DPAGT1: variants seen among roughly 807,000 people sequenced by gnomAD.
DPAGT1 encodes the protein UDP-N-acetylglucosamine--dolichyl-phosphate N-acetylglucosaminephosphotransferase.
DPAGT1 carries 25 observed loss-of-function variants against 39.3 expected under a neutral mutation model. The observed-to-expected ratio is 0.64, with a 90% CI of 0.46 to 0.89. DPAGT1 has a LOEUF of 0.89. Among genes scored for constraint, DPAGT1 ranks in the 40% least tolerant of loss-of-function variants. The pLI is 0.00. For synonymous variants in DPAGT1, 193 were observed against 201.4 expected (o/e 0.96, Z 0.36); for missense variants, 381 against 500.6 (o/e 0.76, Z 2.28).
rs751012599 is a variant in DPAGT1, at chr11:119,097,922, A to G, written c.850T>C (p.Phe284Leu). Residue 284 changes from phenylalanine to leucine, a missense_variant, in exon 6 of 9, where the codon TTC becomes CTC. Coordinates refer to ENST00000354202, the MANE Select transcript of DPAGT1 (RefSeq NM_001382.4). The surrounding 1 kb of genome is among the most constrained non-coding windows in gnomAD (Gnocchi z 4.6). ...TMLLFFMPQV[F>L]NFLYSLPQLL... The stretch of plus-strand genomic sequence containing the variant: ...TGAGGCAGTGAGTAGAGGAAGTTGA[A>G]CACCTGGGGCATGAAGAATAGTAGC... 1 of 1,614,178 alleles carries G rather than the reference A, an allele frequency of 6.2e-7. No homozygotes were observed. The highest frequency in any genetic ancestry group is 1.1e-5 in the South Asian group (1 of 91,084).
downstream of DPAGT1, chr11:119,094,943 C>A (rs1241786719): frequency 6.3e-7 from 1 of 1,582,856 alleles, no homozygotes; most frequent in East Asian, 2.2e-5. Context: ...GCCTGGCGGC[C>A]GGCCGCGGCG....
At chr11:119,094,761 TGCGGGACGGGA>T (rs1406955097), downstream of DPAGT1, 1 of 565,690 alleles carries the variant, frequency 1.8e-6, no homozygotes, top group Non-Finnish European at 3.0e-6. Context: ...CGGCAGGCGG[TGCGGGACGGGA>T]GCGGGGGCGG....
downstream of DPAGT1, chr11:119,094,275 T>TG (rs1565760272): frequency 6.6e-6 from 1 of 152,260 alleles, no homozygotes; most frequent in Non-Finnish European, 1.5e-5. Flanking sequence ...TGAATGAAGA[T>TG]GGAGGGAGAG....
At chr11:119,100,165 T>A (rs10892330) in intron 4 of DPAGT1, 97 bp downstream of exon 4, 101 of 1,552,538 alleles carry the variant, frequency 6.5e-5, no homozygotes, top group Admixed American at 1.8e-4. Flanking sequence ...ATAATTACTA[T>A]GCATATTGCT....
At position 119,098,013 on chromosome 11, in the gene DPAGT1, G is replaced by A. The variant is rs748097351; in HGVS notation, c.759C>T (p.Thr253=). The change falls in exon 6 of 9, where the codon ACC becomes ACT. Residue 253 remains threonine (T), a synonymous_variant. Coordinates refer to ENST00000354202, the MANE Select transcript of DPAGT1 (RefSeq NM_001382.4). ...AGGTCATGCCAGCAAAGTAACAGAA[G>A]GTATCTCCCACAAACACCCGTGATG... The part of the protein sequence containing the change: ...WYPSRVFVGD[T]FCYFAGMTFA... The A allele has an allele frequency of 2.5e-6, 4 of 1,614,178 alleles. No homozygotes were observed. In the South Asian group the frequency reaches 4.4e-5, roughly 18 times the overall value.
intron 4 of DPAGT1, among the ~76,000 whole-genome samples, 180 bp downstream of exon 4, chr11:119,100,082 C>T (rs1267506929): frequency 6.6e-6 from 1 of 152,164 alleles, no homozygotes; most frequent in Non-Finnish European, 1.5e-5. Flanking sequence ...AATGACAGGG[C>T]TACTATTTTT....
Position 119,096,931 on chromosome 11 carries a change from A to G in DPAGT1, c.*67T>C. The G allele has an allele frequency of 1.2e-5, 19 of 1,560,788 alleles. No homozygotes were observed. The highest frequency in any genetic ancestry group is 1.6e-5 in the Non-Finnish European group (18 of 1,136,078). On this transcript the variant is annotated 3_prime_UTR_variant, in exon 9 of 9. Transcript: ENST00000354202. ...CTGGGCAAGGAGGCAGTCTGGGACC[A>G]GAGAGAGAGGTCAGCCTGAGTCAGG...
At position 119,099,339 on chromosome 11, in the gene DPAGT1, G is replaced by A. The variant is rs1241981614; in HGVS notation, c.644-852C>T. 2.0e-5 allele frequency among the ~76,000 whole-genome samples: 3 copies of A among 149,294 alleles called. No homozygotes were observed. In the East Asian group the frequency reaches 5.9e-4, roughly 29 times the overall value. The stretch of plus-strand genomic sequence containing the variant: ...CTAGGGAGGCTGAGGCAGGAGAATC[G>A]CTTGAACCTGGGAGGCGGAGGTTGC... On this transcript the variant is annotated intron_variant, in intron 4 of 8. Coordinates refer to ENST00000354202, the MANE Select transcript of DPAGT1 (RefSeq NM_001382.4).
At chr11:119,095,577 T>G, downstream of DPAGT1, 2 of 625,568 alleles carry the variant, frequency 3.2e-6, no homozygotes, top group Non-Finnish European at 5.1e-6. Context: ...GGTTAACCCT[T>G]GGGTGTCGCG....
At chr11:119,095,026 G>A (rs1387224368), downstream of DPAGT1, 24 of 1,613,354 alleles carry the variant, frequency 1.5e-5, no homozygotes, top group Non-Finnish European at 1.9e-5. Flanking sequence ...GCCCCACGGT[G>A]GCGCTGGTCT....
chr11:119,100,488 A>T (rs1361706088), intron 3 of DPAGT1, 80 bp from the exon 4 acceptor site: 1 of 1,607,770 alleles, frequency 6.2e-7, no homozygotes, highest in Non-Finnish European at 8.5e-7. Context: ...AGTGGTGAGG[A>T]CGGACGATAG....
chr11:119,094,927 G>A (rs776657992), downstream of DPAGT1: 2 of 1,569,200 alleles, frequency 1.3e-6, no homozygotes, highest in South Asian at 1.2e-5. Context: ...GTGGTGGCAT[G>A]GGGAGGCCTG....
In DPAGT1 at chr11:119,096,926, G is replaced by A; in HGVS notation, c.*72C>T. On this transcript the variant is annotated 3_prime_UTR_variant, in exon 9 of 9. Transcript: ENST00000354202. Reference sequence around the variant, plus strand: ...GAGGCCTGGGCAAGGAGGCAGTCTGGGACCAGAGAGAGAGGTCAGCCTGAG... The same window carrying A: ...GAGGCCTGGGCAAGGAGGCAGTCTGAGACCAGAGAGAGAGGTCAGCCTGAG... 2.6e-6 allele frequency: 4 copies of A among 1,559,522 alleles called. No individual in the cohort carries two copies. Among genetic ancestry groups the A allele is most frequent in the South Asian group, 2.3e-5 (2 of 88,210 alleles).
chr11:119,099,632 TAC>T (rs920788609), intron 4 of DPAGT1, among the ~76,000 whole-genome samples: 2 of 146,542 alleles, frequency 1.4e-5, no homozygotes, highest in African/African-American at 2.5e-5. Flanking sequence ...CTACAAAAAA[TAC>T]AAAAATTTGC....
At chr11:119,099,780 CAAAAAAAAAAAAA>C (rs57486910) in intron 4 of DPAGT1, among the ~76,000 whole-genome samples, 1 of 75,802 alleles carries the variant, frequency 1.3e-5, no homozygotes, top group Non-Finnish European at 2.4e-5. Flanking sequence ...GACCCTGTCT[CAAAAAAAAAAAAA>C]AAAAAAAAAA....
In DPAGT1 at chr11:119,100,853, G is replaced by A; in HGVS notation, c.283-10C>T. 6.2e-7 allele frequency: 1 copy of A among 1,614,136 alleles called. No homozygotes were observed. The highest frequency in any genetic ancestry group is 1.3e-5 in the African/African-American group (1 of 75,014). On this transcript the variant is annotated splice_polypyrimidine_tract_variant and intron_variant, in intron 2 of 8. Coordinates refer to ENST00000354202, the MANE Select transcript of DPAGT1 (RefSeq NM_001382.4). ...CTATCAGGGCCACAAACTGGGGGAG[G>A]CTCGGGCAGGTCCATGACTCAAGCC... is the stretch of plus-strand genomic sequence containing the variant.
intron 3 of DPAGT1, 82 bp from the exon 4 acceptor site, chr11:119,100,490 GGAC>G: frequency 6.2e-7 from 1 of 1,605,222 alleles, no homozygotes; most frequent in Non-Finnish European, 8.5e-7. Context: ...TGGTGAGGAC[GGAC>G]GATAGGATGA....
At chr11:119,100,927 T>A in intron 2 of DPAGT1, 84 bp from the exon 3 acceptor site, 2 of 1,613,812 alleles carry the variant, frequency 1.2e-6, no homozygotes, top group Non-Finnish European at 1.7e-6. Flanking sequence ...GATAATTTCT[T>A]AGCCCCTCCC....
Position 119,100,733 on chromosome 11 carries a change from A to G in DPAGT1, c.393T>C (p.Ala131=), listed in dbSNP as rs1946487449. The change falls in exon 3 of 9, where the codon GCT becomes GCC. Residue 131 remains alanine, a synonymous_variant. Transcript: ENST00000354202. ...AGACCATGAGGAGAGGTAGTGAGGCAGCTGTAGGTAGCAGCAGCTTATGGC... is the reference window on the plus strand; with the variant it reads ...AGACCATGAGGAGAGGTAGTGAGGCGGCTGTAGGTAGCAGCAGCTTATGGC... ...RWRHKLLLPT[A]ASLPLLMVYF... 1 of 1,614,186 alleles carries G rather than the reference A, an allele frequency of 6.2e-7. No individual in the cohort carries two copies. Among genetic ancestry groups the G allele is most frequent in the Non-Finnish European group, 8.5e-7 (1 of 1,180,040 alleles).
Sources: allele counts gnomAD v4.1 joint callset (sites outside exome capture counted in the v4.1 genomes callset), GRCh38; gene constraint gnomAD v4.1.1; non-coding constraint Gnocchi (gnomAD v3.1); transcripts MANE v1.5; gene names NCBI Gene and HGNC (gene_info 2026-07-23, HGNC 2026-07-21).